The following PRRC2B variants were observed in gnomAD, a reference collection of about 807,000 sequenced individuals.
PRRC2B encodes the protein proline rich coiled-coil 2B.
PRRC2B carries 68 observed loss-of-function variants against 242.3 expected under a neutral mutation model. The ratio of observed to expected loss-of-function variants is 0.28; its 90% CI spans 0.23 to 0.34. PRRC2B has a LOEUF of 0.34. Ranked by LOEUF, PRRC2B falls within the 10% of genes least tolerant of loss-of-function variation. The probability of loss-of-function intolerance (pLI) is 1.00; values close to 1 mark genes in which losing one functional copy is unlikely to be tolerated. For missense variants in PRRC2B, 2,835 were observed against 2,954.8 expected (o/e 0.96, Z 0.94); for synonymous variants, 1,228 against 1,173.6 (o/e 1.05, Z -0.95).
At position 131,455,148 on chromosome 9, in the gene PRRC2B, A is replaced by G. The variant is rs752150320; in HGVS notation, c.1193A>G (p.Lys398Arg). 6.2e-7 allele frequency: 1 copy of G among 1,613,670 alleles called. No homozygotes were observed. The highest frequency in any genetic ancestry group is 2.2e-5 in the East Asian group (1 of 44,882). Residue 398 changes from lysine (K) to arginine (R), a missense_variant, in exon 10 of 32, where the codon AAG becomes AGG. By Grantham distance (26) the Lys-to-Arg change is conservative (BLOSUM62 2). Around this residue, in one of 7 missense-constraint regions of PRRC2B, gnomAD observed 626 missense variants for 685.5 expected, o/e 0.91. Transcript: ENST00000683519. ...SDDEEEEEVV[K>R]DGRPKWNSWD... Reference sequence around the variant, plus strand: ...GATGAAGAGGAGGAAGAAGTTGTGAAGGACGGCAGGCCAAAGTGGTAAGGA... The same window carrying G: ...GATGAAGAGGAGGAAGAAGTTGTGAGGGACGGCAGGCCAAAGTGGTAAGGA...
chr9:131,383,054 G>A (rs530633277), intron 1 of PRRC2B, among the ~76,000 whole-genome samples: 1 of 152,208 alleles, frequency 6.6e-6, no homozygotes, highest in Admixed American at 6.5e-5. Context: ...CCCATCCCCA[G>A]GCCTTTGTTC....
Position 131,432,669 on chromosome 9 carries a change from C to A in PRRC2B, c.168C>A (p.Arg56=). 1 of 1,614,020 alleles carries A rather than the reference C, an allele frequency of 6.2e-7. No homozygotes were observed. Among genetic ancestry groups the A allele is most frequent in the Non-Finnish European group, 8.5e-7 (1 of 1,179,882 alleles). The change falls in exon 3 of 32, where the codon CGC becomes CGA. Residue 56 remains arginine, a synonymous_variant. Coordinates refer to ENST00000683519, the MANE Select transcript of PRRC2B (RefSeq NM_013318.4). ...QSLGKVAAAR[R]MPPPANLPSL... ...TTGGGAAAGTTGCTGCAGCCCGGCG[C>A]ATGCCACCGCCTGCAAACCTGCCAA... is the stretch of plus-strand genomic sequence containing the variant.
At chr9:131,471,239 G>A (rs765951234) in intron 14 of PRRC2B, among the ~76,000 whole-genome samples, 3 of 152,244 alleles carry the variant, frequency 2.0e-5, no homozygotes, top group African/African-American at 7.2e-5. Flanking sequence ...CTGCTATGTC[G>A]TTTTGTCCTT....
At chr9:131,392,917 C>CAAAAAAAAAAAAAAAA (rs11317627), upstream of PRRC2B, among the ~76,000 whole-genome samples, 1 of 91,886 alleles carries the variant, frequency 1.1e-5, no homozygotes, top group Non-Finnish European at 2.3e-5. Flanking sequence ...GAGACTGTCT[C>CAAAAAAAAAAAAAAAA]AAAAAAAAAA....
chr9:131,377,373 AAAGT>A (rs1368172684), intron 1 of PRRC2B, among the ~76,000 whole-genome samples: 1 of 152,182 alleles, frequency 6.6e-6, no homozygotes, highest in Non-Finnish European at 1.5e-5. Context: ...TCAGCCTCCC[AAAGT>A]GTTGGGTTTA....
At chr9:131,431,311 T>C (rs1238049248) in intron 2 of PRRC2B, among the ~76,000 whole-genome samples, 1 of 151,840 alleles carries the variant, frequency 6.6e-6, no homozygotes, top group African/African-American at 2.4e-5. Flanking sequence ...TTTGTATTTT[T>C]AGTAGAGACG....
At chr9:131,491,123 A>G (rs1000586037) in intron 28 of PRRC2B, 4 of 350,652 alleles carry the variant, frequency 1.1e-5, no homozygotes, top group Non-Finnish European at 2.1e-5. Flanking sequence ...CTTAGCAGAG[A>G]TGTGGATGAG....
chr9:131,448,555 A>AAAAAAAAC (rs1838897770), intron 9 of PRRC2B, among the ~76,000 whole-genome samples: 2 of 126,858 alleles, frequency 1.6e-5, no homozygotes, highest in East Asian at 2.5e-4. Context: ...AAAAAAAAAA[A>AAAAAAAAC]AAAAAAAAAA....
At chr9:131,390,781 CTTTTTTTTTTTT>C (rs57100225), upstream of PRRC2B, among the ~76,000 whole-genome samples, 1 of 36,946 alleles carries the variant, frequency 2.7e-5, no homozygotes, top group African/African-American at 1.0e-4. Flanking sequence ...TGTGCCCTAG[CTTTTTTTTTTTT>C]TTTTTTTTTT....
chr9:131,452,901 A>G (rs1564288530), intron 9 of PRRC2B, among the ~76,000 whole-genome samples: 2 of 152,234 alleles, frequency 1.3e-5, no homozygotes, highest in African/African-American at 4.8e-5. Flanking sequence ...TATATTCTAC[A>G]GTTGTTGTTC....
chr9:131,492,218 A>G lies in PRRC2B; in HGVS notation c.6431A>G (p.Asn2144Ser). Residue 2144 changes from asparagine (N) to serine (S), a missense_variant, in exon 30 of 32, where the codon AAT becomes AGT. Physicochemically the swap from Asn to Ser is conservative, Grantham distance 46. This residue lies in a region of PRRC2B where 574 missense variants were observed against 626.0 expected (regional missense o/e 0.92). Transcript: ENST00000683519. ...KGFHFADSKQNVPSGGPVPSP... is the reference protein window; with the variant it reads ...KGFHFADSKQSVPSGGPVPSP... ...TTCCACTTTGCCGACAGTAAACAGA[A>G]TGTCCCTTCAGGAGGCCCCGTGCCA... The G allele has an allele frequency of 6.2e-7, 1 of 1,613,892 alleles. No individual in the cohort carries two copies. The highest frequency in any genetic ancestry group is 8.5e-7 in the Non-Finnish European group (1 of 1,179,844).
intron 10 of PRRC2B, among the ~76,000 whole-genome samples, chr9:131,457,530 G>C (rs1329298252): frequency 1.3e-5 from 2 of 152,206 alleles, no homozygotes; most frequent in African/African-American, 2.4e-5. Context: ...TGACCTGGTA[G>C]AGACTTAGTG....
chr9:131,485,048 G>C lies in PRRC2B; in HGVS notation c.5666G>C (p.Gly1889Ala). ...GGCATCCAGCCTCCATCCTCTGTGGGTGCCTCCAGCGGGGTCAACTACAGC... is the reference window on the plus strand; with the variant it reads ...GGCATCCAGCCTCCATCCTCTGTGGCTGCCTCCAGCGGGGTCAACTACAGC... ...GSGIQPPSSV[G>A]ASSGVNYSSF... Residue 1889 changes from glycine to alanine, a missense_variant, in exon 25 of 32, where the codon GGT (glycine) becomes GCT (alanine). Physicochemically the swap from Gly to Ala is moderately conservative, Grantham distance 60. This residue lies in a region of PRRC2B where 574 missense variants were observed against 626.0 expected (regional missense o/e 0.92). Transcript: ENST00000683519. 6.2e-7 allele frequency: 1 copy of C among 1,611,316 alleles called. No individual in the cohort carries two copies. The highest frequency in any genetic ancestry group is 8.5e-7 in the Non-Finnish European group (1 of 1,178,776).
intron 1 of PRRC2B, among the ~76,000 whole-genome samples, chr9:131,423,321 A>G (rs1837894723): frequency 6.6e-6 from 1 of 152,184 alleles, no homozygotes; most frequent in African/African-American, 2.4e-5. Flanking sequence ...TTCCTGCTTC[A>G]CACTTGGATG....
intron 9 of PRRC2B, among the ~76,000 whole-genome samples, chr9:131,451,387 AGACT>A (rs1026381117): frequency 2.0e-5 from 3 of 151,296 alleles, no homozygotes; most frequent in African/African-American, 7.3e-5. Flanking sequence ...TGACAGAGCG[AGACT>A]CCATCTCAAA....
At chr9:131,480,821 G>A (rs926683439) in intron 19 of PRRC2B, among the ~76,000 whole-genome samples, 5 of 152,002 alleles carry the variant, frequency 3.3e-5, no homozygotes, top group African/African-American at 1.2e-4. Flanking sequence ...AAAGTGGTCT[G>A]TGAGCTTAAA....
At position 131,475,934 on chromosome 9, in the gene PRRC2B, C is replaced by T. The variant is rs370454900; in HGVS notation, c.3805C>T (p.Arg1269Trp). Residue 1269 changes from arginine to tryptophan, a missense_variant, in exon 16 of 32, where the codon CGG becomes TGG. This residue lies in a region of PRRC2B where 1,536 missense variants were observed against 1,483.1 expected (regional missense o/e 1.04). Transcript: ENST00000683519. The part of the protein sequence containing the change: ...SYRHPDAFGG[R>W]GFEDSRAEDK... Reference sequence around the variant, plus strand: ...CAGACACCCTGACGCATTTGGTGGCCGGGGCTTTGAGGACAGCCGCGCGGA... The same window carrying T: ...CAGACACCCTGACGCATTTGGTGGCTGGGGCTTTGAGGACAGCCGCGCGGA... The T allele has an allele frequency of 2.7e-4, 436 of 1,613,894 alleles. 1 individual carries two copies. The East Asian group carries it at 3.0e-3, about 11-fold the overall frequency.
chr9:131,391,759 G>A (rs1258156437), upstream of PRRC2B, among the ~76,000 whole-genome samples: 1 of 152,080 alleles, frequency 6.6e-6, no homozygotes, highest in Admixed American at 6.6e-5. Context: ...ATTTTGTTTT[G>A]AGACAGAGTC....
chr9:131,379,215 T>G (rs1836724154), intron 1 of PRRC2B, among the ~76,000 whole-genome samples: 1 of 152,210 alleles, frequency 6.6e-6, no homozygotes, highest in African/African-American at 2.4e-5. Flanking sequence ...TGGGATTGTT[T>G]CTGCCTTTGG....
Sources: gnomAD v4.1 joint callset for allele counts (sites outside exome capture counted in the v4.1 genomes callset) on GRCh38, gnomAD v4.1.1 for gene constraint, gnomAD v4.1.1 regional missense constraint, MANE v1.5 for transcripts, NCBI Gene and HGNC (gene_info 2026-07-23, HGNC 2026-07-21) for gene names.